CACNA2D2: variants seen among roughly 807,000 people sequenced by gnomAD.
CACNA2D2 encodes calcium voltage-gated channel auxiliary subunit alpha2delta 2, also known as voltage-dependent calcium channel subunit alpha-2/delta-2.
Under a neutral mutation model 166.4 loss-of-function variants are expected in CACNA2D2, and 48 were observed. That is an observed-to-expected ratio of 0.29 (90% CI 0.23 to 0.37). The LOEUF (loss-of-function observed/expected upper bound fraction) is 0.37, where lower values mean the gene tolerates loss of function less well. CACNA2D2 is among the 10% of genes least tolerant of loss of function. The pLI is 1.00. For missense variants in CACNA2D2, 1,122 were observed against 1,433.0 expected, an observed-to-expected ratio of 0.78 and a Z score of 3.50; for synonymous variants, 561 against 573.7, an observed-to-expected ratio of 0.98 and a Z score of 0.32.
At chr3:50,479,311 T>G (rs1056099763) in intron 1 of CACNA2D2, among the ~76,000 whole-genome samples, 3 of 152,146 alleles carry the variant, frequency 2.0e-5, no homozygotes, top group Non-Finnish European at 4.4e-5. Context: ...GGTCTAGAGG[T>G]GGCTCCAGCC....
At chr3:50,404,177 G>T (rs1161765721) in intron 3 of CACNA2D2, among the ~76,000 whole-genome samples, 4 of 152,196 alleles carry the variant, frequency 2.6e-5, no homozygotes, top group Non-Finnish European at 5.9e-5. Context: ...TGATGACAGA[G>T]AATAGGGATC....
chr3:50,411,934 G>A (rs1186206984), intron 3 of CACNA2D2, among the ~76,000 whole-genome samples: 1 of 152,160 alleles, frequency 6.6e-6, no homozygotes, highest in African/African-American at 2.4e-5. Context: ...AAAGGTGCAT[G>A]GGCTGAGGGG....
Position 50,381,032 on chromosome 3 carries a change from G to A in CACNA2D2, c.747C>T (p.Val249=). The A allele has an allele frequency of 6.2e-7, 1 of 1,613,966 alleles. No individual in the cohort carries two copies. Among genetic ancestry groups the A allele is most frequent in the Non-Finnish European group, 8.5e-7 (1 of 1,179,910 alleles). ...RRQDPTLLWQ[V]FGSATGVTRY... ...GAGTGACTCCTGTGGCGCTGCCGAA[G>A]ACCTGCCACAGCAGTGTGGGGTCTT... Residue 249 remains valine (V), a synonymous_variant, in exon 7 of 38, where the codon GTC becomes GTT. Transcript: ENST00000424201.
intron 1 of CACNA2D2, among the ~76,000 whole-genome samples, chr3:50,496,691 A>T (rs1698738883): frequency 6.6e-6 from 1 of 152,156 alleles, no homozygotes; most frequent in Non-Finnish European, 1.5e-5. Context: ...TCACACCCCA[A>T]CCCTATGTGG....
chr3:50,386,260 T>C (rs373756150), intron 5 of CACNA2D2, among the ~76,000 whole-genome samples: 4 of 152,076 alleles, frequency 2.6e-5, no homozygotes, highest in African/African-American at 9.7e-5. Flanking sequence ...CTGGATACAG[T>C]TGAGGCTGCT....
Position 50,366,983 on chromosome 3 carries a change from T to C in CACNA2D2, c.2500+28A>G. On this transcript the variant is annotated intron_variant, in intron 28 of 37. Coordinates refer to ENST00000424201, the MANE Select transcript of CACNA2D2 (RefSeq NM_006030.4). This position sits in a 1 kb window ranked among gnomAD's most constrained non-coding sequence, Gnocchi z 5.9. ...CAGGCAGTACCCTGTCCATTGCCTG[T>C]TTCCCCACCTCTGTCCCAAACATTC... 6.2e-7 allele frequency: 1 copy of C among 1,612,966 alleles called. No homozygotes were observed. Among genetic ancestry groups the C allele is most frequent in the Non-Finnish European group, 8.5e-7 (1 of 1,179,288 alleles).
chr3:50,393,454 G>A (rs193176720), intron 4 of CACNA2D2, among the ~76,000 whole-genome samples: 35 of 152,366 alleles, frequency 2.3e-4, no homozygotes, highest in Non-Finnish European at 4.0e-4. Flanking sequence ...CCAGCCCCAG[G>A]CAAAATCAAA....
In CACNA2D2 at chr3:50,362,710, G is replaced by A. The variant is rs1228689436; in HGVS notation, c.*1956C>T. 1 of 156,734 alleles carries A rather than the reference G, an allele frequency of 6.4e-6. No homozygotes were observed. Among genetic ancestry groups the A allele is most frequent in the Non-Finnish European group, 1.4e-5 (1 of 71,182 alleles). The allele number at this position is 156,734 out of a possible 1,614,324, so 9.7% of individuals were successfully genotyped here. On this transcript the variant is annotated 3_prime_UTR_variant, in exon 38 of 38. Transcript: ENST00000424201. ...GCTACCATGGTCTTCACCCCCTGCA[G>A]AGCACTAAGTGGGACTCTGAGGTCT...
chr3:50,465,725 C>T (rs1709800877), intron 2 of CACNA2D2, among the ~76,000 whole-genome samples: 1 of 152,104 alleles, frequency 6.6e-6, no homozygotes, highest in African/African-American at 2.4e-5. Context: ...ATGAGGTCTC[C>T]CTGGCCTGCC....
chr3:50,387,514 A>G lies in CACNA2D2; in HGVS notation c.510+54T>C, dbSNP rs1575613311. ...CGCTGAGTCCTAACATCCATTTTAC[A>G]GCCAAGGCCACCAAGGCCCAGCAAG... On this transcript the variant is annotated intron_variant, in intron 5 of 37. Transcript: ENST00000424201. 3.3e-6 allele frequency: 5 copies of G among 1,496,570 alleles called. No individual in the cohort carries two copies. The East Asian group carries it at 1.1e-4, about 34-fold the overall frequency. 92.7% of individuals were successfully genotyped at this position (1,496,570 alleles called of 1,614,324 possible).
intron 3 of CACNA2D2, among the ~76,000 whole-genome samples, chr3:50,403,731 T>C (rs781051457): frequency 3.9e-5 from 6 of 152,230 alleles, no homozygotes; most frequent in South Asian, 4.1e-4. Flanking sequence ...CACACTGACA[T>C]TGAAGTTTGC....
intron 3 of CACNA2D2, among the ~76,000 whole-genome samples, chr3:50,397,884 C>G (rs73832872): frequency 0.035 from 5,281 of 152,308 alleles, 321 homozygotes; most frequent in African/African-American, 0.12. Context: ...GATCTCCAAG[C>G]TTAGCCCCAC....
chr3:50,429,998 A>C (rs1707995475), intron 3 of CACNA2D2, among the ~76,000 whole-genome samples: 1 of 152,180 alleles, frequency 6.6e-6, no homozygotes, highest in Non-Finnish European at 1.5e-5. Flanking sequence ...CCTTAGGACA[A>C]TGGGAGGGAC....
Position 50,379,386 on chromosome 3 carries a change from G to C in CACNA2D2, c.1152+46C>G. 1 of 1,602,568 alleles carries C rather than the reference G, an allele frequency of 6.2e-7. No individual in the cohort carries two copies. Among genetic ancestry groups the C allele is most frequent in the Non-Finnish European group, 8.5e-7 (1 of 1,172,700 alleles). On this transcript the variant is annotated intron_variant, in intron 11 of 37. Coordinates refer to ENST00000424201, the MANE Select transcript of CACNA2D2 (RefSeq NM_006030.4). The surrounding 1 kb of genome is among the most constrained non-coding windows in gnomAD (Gnocchi z 6.5). ...GATTTCCTGGGTACACCAAGCCAGG[G>C]CCCTCTACTCCCCCAGCCGCCCACT...
intron 2 of CACNA2D2, among the ~76,000 whole-genome samples, chr3:50,461,768 AAAAG>A (rs1324891237): frequency 6.7e-5 from 10 of 149,078 alleles, no homozygotes; most frequent in East Asian, 3.9e-4. Context: ...AAAAAAGAAA[AAAAG>A]AAAGAAAGGA....
intron 2 of CACNA2D2, among the ~76,000 whole-genome samples, chr3:50,452,872 G>A (rs2106963035): frequency 6.6e-6 from 1 of 152,266 alleles, no homozygotes; most frequent in South Asian, 2.1e-4. Context: ...ATTGTAGGAT[G>A]GGAACATCTG....
rs1704102419 is a variant in CACNA2D2 at position 50,364,532 on chromosome 3, T to A, written c.*134A>T. 1 of 1,131,544 alleles carries A rather than the reference T, an allele frequency of 8.8e-7. No homozygotes were observed. The highest frequency in any genetic ancestry group is 1.7e-5 in the South Asian group (1 of 60,388). The allele number at this position is 1,131,544 out of a possible 1,614,324, so 70.1% of individuals were successfully genotyped here. A position where few individuals can be genotyped will look rare whatever the true frequency, so the allele number is the denominator to read the frequency against. On this transcript the variant is annotated 3_prime_UTR_variant, in exon 38 of 38. Coordinates refer to ENST00000424201, the MANE Select transcript of CACNA2D2 (RefSeq NM_006030.4). ...CCCCATCCCAAGGCGCAGACCAGACTCTCAGGGCCTGGCCAGCTCAGGTCC... is the reference window on the plus strand; with the variant it reads ...CCCCATCCCAAGGCGCAGACCAGACACTCAGGGCCTGGCCAGCTCAGGTCC...
Position 50,367,291 on chromosome 3 carries a change from T to G in CACNA2D2, c.2401+103A>C. 1 of 1,167,704 alleles carries G rather than the reference T, an allele frequency of 8.6e-7. No homozygotes were observed. Among genetic ancestry groups the G allele is most frequent in the Non-Finnish European group, 1.3e-6 (1 of 791,240 alleles). The allele number at this position is 1,167,704 out of a possible 1,614,324, so 72.3% of individuals were successfully genotyped here. ...CGTCTGCCCTGGCCTCAGCCAGCCT[T>G]GTGTTGGAGAGGGGCCTCAGACAGC... On this transcript the variant is annotated intron_variant, in intron 27 of 37. Transcript: ENST00000424201. This position sits in a 1 kb window ranked among gnomAD's most constrained non-coding sequence, Gnocchi z 6.5.
chr3:50,409,877 AG>A (rs1706911648), intron 3 of CACNA2D2, among the ~76,000 whole-genome samples: 1 of 152,116 alleles, frequency 6.6e-6, no homozygotes, highest in African/African-American at 2.4e-5. Flanking sequence ...GAGACCTGAG[AG>A]GGTCCAAGCT....
Sources: allele counts gnomAD v4.1 joint callset (sites outside exome capture counted in the v4.1 genomes callset), GRCh38; gene constraint gnomAD v4.1.1; non-coding constraint Gnocchi (gnomAD v3.1); transcripts MANE v1.5; gene names NCBI Gene and HGNC (gene_info 2026-07-23, HGNC 2026-07-21).